The following GALR1 variants were observed in gnomAD, a reference collection of about 807,000 sequenced individuals.
GALR1 encodes the protein galanin receptor 1.
In GALR1, 11 loss-of-function variants were observed where a neutral mutation model predicts 17.9. The ratio of observed to expected loss-of-function variants is 0.62; its 90% CI spans 0.39 to 1.02. GALR1 has a LOEUF of 1.02. Among genes scored for constraint, GALR1 ranks in the 50% least tolerant of loss-of-function variants. The pLI, the probability that GALR1 is intolerant of heterozygous loss-of-function variation, is 0.01. For synonymous variants in GALR1, 206 were observed against 205.7 expected (o/e 1.00, Z -0.01); for missense variants, 441 against 456.9 (o/e 0.97, Z 0.32).
intron 1 of GALR1, chr18:77,253,681 T>C (rs1912521417): frequency 1.3e-5 from 2 of 152,248 alleles, no homozygotes; most frequent in African/African-American, 4.8e-5. Flanking sequence ...AGGATTTTGC[T>C]ACTTGAGTAT....
At position 77,251,204 on chromosome 18, in the gene GALR1, G is replaced by T. The variant is rs752313924; in HGVS notation, c.656G>T (p.Cys219Phe). 1 of 1,606,206 alleles carries T rather than the reference G, an allele frequency of 6.2e-7. No homozygotes were observed. The highest frequency in any genetic ancestry group is 1.1e-5 in the South Asian group (1 of 90,868). ...CTGCCGCTCCTGCTCATCTGCTTCT[G>T]CTATGCCAAGGTGCACGCCGGTCGC... ...YLLPLLLICF[C>F]YAKVLNHLHK... The change falls in exon 1 of 3, where the codon TGC becomes TTC. Residue 219 changes from cysteine (C) to phenylalanine (F), a missense_variant. Physicochemically the swap from Cys to Phe is radical, Grantham distance 205. Coordinates refer to ENST00000299727, the MANE Select transcript of GALR1 (RefSeq NM_001480.4).
At chr18:77,265,803 C>G (rs750408448) in intron 2 of GALR1, among the ~76,000 whole-genome samples, 5 of 152,106 alleles carry the variant, frequency 3.3e-5, no homozygotes, top group Non-Finnish European at 7.4e-5. Context: ...ATATGTTGGC[C>G]CCTATTAGCC....
rs1302590711 is a variant in GALR1, at chr18:77,277,211, C to T, written c.*8309C>T. ...AGTAAGGAAAAAAAATCTATGTGTA[C>T]TGTATTTTTAAATTTTAATAAGGTT... On this transcript the variant is annotated 3_prime_UTR_variant, in exon 3 of 3. Coordinates refer to ENST00000299727, the MANE Select transcript of GALR1 (RefSeq NM_001480.4). 6 of 152,280 alleles carry T rather than the reference C, an allele frequency of 3.9e-5. No individual in the cohort carries two copies. The highest frequency in any genetic ancestry group is 9.6e-5 in the African/African-American group (4 of 41,546). The allele number at this position is 152,280 out of a possible 1,614,324, so 9.4% of individuals were successfully genotyped here.
intron 2 of GALR1, among the ~76,000 whole-genome samples, chr18:77,262,964 C>T (rs1428402121): frequency 6.6e-6 from 1 of 152,184 alleles, no homozygotes; most frequent in African/African-American, 2.4e-5. Context: ...CCAGAGAAAA[C>T]ACTCCGGCCT....
rs1354297850 is a variant in GALR1, at chr18:77,250,835, A to G, written c.287A>G (p.Tyr96Cys). The change falls in exon 1 of 3, where the codon TAC (tyrosine) becomes TGC (cysteine). Residue 96 changes from tyrosine (Y) to cysteine (C), a missense_variant. Physicochemically the swap from Tyr to Cys is radical, Grantham distance 194 (BLOSUM62 -2). Transcript: ENST00000299727. The part of the protein sequence containing the change: ...LFCIPFQATV[Y>C]ALPTWVLGAF... ...TGCATCCCCTTCCAGGCCACCGTGTACGCGCTGCCCACCTGGGTGCTGGGC... is the reference window on the plus strand; with the variant it reads ...TGCATCCCCTTCCAGGCCACCGTGTGCGCGCTGCCCACCTGGGTGCTGGGC... The G allele has an allele frequency of 6.2e-7, 1 of 1,613,510 alleles. No homozygotes were observed. Among genetic ancestry groups the G allele is most frequent in the Admixed American group, 1.7e-5 (1 of 60,032 alleles).
At chr18:77,266,149 T>C (rs958589783) in intron 2 of GALR1, among the ~76,000 whole-genome samples, 3 of 152,270 alleles carry the variant, frequency 2.0e-5, no homozygotes, top group Middle Eastern at 3.4e-3. Flanking sequence ...ACCATCTCTC[T>C]CAAGTTCAAA....
intron 2 of GALR1, among the ~76,000 whole-genome samples, chr18:77,267,428 A>G (rs537782698): frequency 6.6e-6 from 1 of 152,142 alleles, no homozygotes; most frequent in South Asian, 2.1e-4. Flanking sequence ...CTCATCTACA[A>G]CCTGTGGGTC....
At position 77,276,585 on chromosome 18, in the gene GALR1, C is replaced by T. The variant is rs1417164418; in HGVS notation, c.*7683C>T. ...TGGAGCCCAACGATTTGCAGCTGGT[C>T]CAGAGACCACCTTGTGAGATCTACT... is the stretch of plus-strand genomic sequence containing the variant. On this transcript the variant is annotated 3_prime_UTR_variant, in exon 3 of 3. Coordinates refer to ENST00000299727, the MANE Select transcript of GALR1 (RefSeq NM_001480.4). 6.6e-6 allele frequency: 1 copy of T among 151,868 alleles called. No homozygotes were observed. Among genetic ancestry groups the T allele is most frequent in the Non-Finnish European group, 1.5e-5 (1 of 67,982 alleles). The allele number at this position is 151,868 out of a possible 1,614,324, so 9.4% of individuals were successfully genotyped here. A position where few individuals can be genotyped will look rare whatever the true frequency, so the allele number is the denominator to read the frequency against.
intron 2 of GALR1, among the ~76,000 whole-genome samples, chr18:77,258,857 GTGGTGGTGA>G (rs1912703710): frequency 8.9e-6 from 1 of 112,516 alleles, no homozygotes; most frequent in Non-Finnish European, 1.8e-5. Context: ...GGTGGTGATG[GTGGTGGTGA>G]TGGTGGTGAT....
chr18:77,250,973 G>C lies in GALR1; in HGVS notation c.425G>C (p.Arg142Pro). The C allele has an allele frequency of 6.2e-7, 1 of 1,604,146 alleles. No individual in the cohort carries two copies. Among genetic ancestry groups the C allele is most frequent in the South Asian group, 1.1e-5 (1 of 91,082 alleles). ...TACGTGGCCATCGTGCACTCGCGGC[G>C]CTCCTCCTCCCTCAGGGTGTCCCGC... is the stretch of plus-strand genomic sequence containing the variant. ...DRYVAIVHSR[R>P]SSSLRVSRNA... Residue 142 changes from arginine to proline, a missense_variant, in exon 1 of 3, where the codon CGC (arginine) becomes CCC (proline). Physicochemically the swap from Arg to Pro is moderately radical, Grantham distance 103 (BLOSUM62 -2). Coordinates refer to ENST00000299727, the MANE Select transcript of GALR1 (RefSeq NM_001480.4).
chr18:77,260,110 T>G (rs1912796182), intron 2 of GALR1, among the ~76,000 whole-genome samples: 1 of 152,180 alleles, frequency 6.6e-6, no homozygotes, highest in Admixed American at 6.5e-5. Context: ...CAGGCTGCTT[T>G]AAGAAAATAC....
chr18:77,261,949 G>A (rs1056516091), intron 2 of GALR1, among the ~76,000 whole-genome samples: 2 of 152,054 alleles, frequency 1.3e-5, no homozygotes, highest in Non-Finnish European at 2.9e-5. Flanking sequence ...TCAGCCTCCT[G>A]CATAGCTGGG....
At chr18:77,254,326 T>C (rs2717157) in intron 1 of GALR1, among the ~76,000 whole-genome samples, 13,257 of 152,248 alleles carry the variant, frequency 0.087, 1,017 homozygotes, top group African/African-American at 0.19. Context: ...TAGGAGCTAT[T>C]GAAGAGAAGC....
In GALR1 at chr18:77,249,866, C is replaced by T. The variant is rs1227962635; in HGVS notation, c.-683C>T. ...CCGAGCTGTTTTCGCCTCTCAGTTG[C>T]AGCAGAGAAGCCCCTGGCACCCGAC... On this transcript the variant is annotated 5_prime_UTR_variant, in exon 1 of 3. Transcript: ENST00000299727. Among the ~76,000 whole-genome samples the T allele has an allele frequency of 2.6e-5, 4 of 152,220 alleles. No individual in the cohort carries two copies. Among genetic ancestry groups the T allele is most frequent in the Admixed American group, 6.5e-5 (1 of 15,284 alleles).
Position 77,260,304 on chromosome 18 carries a change from C to T in GALR1, c.732+4081C>T, listed in dbSNP as rs568259581. Among the ~76,000 whole-genome samples the T allele has an allele frequency of 2.0e-5, 3 of 152,168 alleles. No homozygotes were observed. In the East Asian group the frequency reaches 5.8e-4, roughly 29 times the overall value. On this transcript the variant is annotated intron_variant, in intron 2 of 2. Coordinates refer to ENST00000299727, the MANE Select transcript of GALR1 (RefSeq NM_001480.4). ...AAAGGCAGCTCTCTGCGCCCTCTTT[C>T]ATAAGGGGACTGGTCCCATTATTCA... is the stretch of plus-strand genomic sequence containing the variant.
chr18:77,254,619 GCCATCTAGGCAGTCCTGT>G (rs1355649988), intron 1 of GALR1, among the ~76,000 whole-genome samples: 1 of 152,226 alleles, frequency 6.6e-6, no homozygotes, highest in African/African-American at 2.4e-5. Context: ...CTGCCACTGA[GCCATCTAGGCAGTCCTGT>G]CCTCTTGGGC....
intron 2 of GALR1, among the ~76,000 whole-genome samples, chr18:77,259,648 G>A (rs1276441550): frequency 6.7e-6 from 1 of 149,410 alleles, no homozygotes; most frequent in Non-Finnish European, 1.5e-5. Context: ...TGGTGACAGT[G>A]GTGGCAGTGG....
rs1219342357 is a variant in GALR1 at position 77,269,012 on chromosome 18, T to G, written c.*110T>G. 1.2e-6 allele frequency: 1 copy of G among 846,978 alleles called. No individual in the cohort carries two copies. The highest frequency in any genetic ancestry group is 1.7e-5 in the African/African-American group (1 of 58,982). 52.5% of individuals were successfully genotyped at this position (846,978 alleles called of 1,614,324 possible). ...TGCAACTTGTTATCTTAACAAGAATTCAAGTCGTTTTAATTAAATCCCACG... is the reference window on the plus strand; with the variant it reads ...TGCAACTTGTTATCTTAACAAGAATGCAAGTCGTTTTAATTAAATCCCACG... On this transcript the variant is annotated 3_prime_UTR_variant, in exon 3 of 3. Coordinates refer to ENST00000299727, the MANE Select transcript of GALR1 (RefSeq NM_001480.4).
chr18:77,266,650 G>C (rs548209849), intron 2 of GALR1, among the ~76,000 whole-genome samples: 1 of 152,340 alleles, frequency 6.6e-6, no homozygotes, highest in Non-Finnish European at 1.5e-5. Flanking sequence ...GAGGCCTCAG[G>C]ACACTTACAA....
Sources: allele counts gnomAD v4.1 joint callset (sites outside exome capture counted in the v4.1 genomes callset), GRCh38; gene constraint gnomAD v4.1.1; transcripts MANE v1.5; gene names NCBI Gene and HGNC (gene_info 2026-07-23, HGNC 2026-07-21).